The following MYO16 variants were observed in gnomAD, a reference collection of about 807,000 sequenced individuals.
The protein encoded by MYO16 is unconventional myosin-XVI.
A neutral mutation model predicts 205.3 loss-of-function variants in MYO16; 94 were observed. The observed-to-expected ratio is 0.46, with a 90% CI of 0.39 to 0.54. MYO16 has a LOEUF of 0.54. MYO16 is among the 20% of genes least tolerant of loss of function. The pLI is 0.00. For missense variants in MYO16, 2,315 were observed against 2,387.5 expected (o/e 0.97, Z 0.63); for synonymous variants, 988 against 954.0 (o/e 1.04, Z -0.66).
chr13:109,023,770 T>G (rs1191712297), intron 23 of MYO16, among the ~76,000 whole-genome samples: 4 of 113,348 alleles, frequency 3.5e-5, no homozygotes, highest in African/African-American at 1.2e-4. Context: ...AATATGTTTT[T>G]ATATACATAT....
At chr13:108,574,317 G>T in the MYO16 span, among the ~76,000 whole-genome samples, 7 of 152,154 alleles carry the variant, frequency 4.6e-5, no homozygotes, top group Admixed American at 4.6e-4. Flanking sequence ...GTTATATGAA[G>T]CAAGGAAATG....
At chr13:108,633,232 T>C (rs1436027297) in intron 1 of MYO16, among the ~76,000 whole-genome samples, 1 of 152,144 alleles carries the variant, frequency 6.6e-6, no homozygotes, top group Non-Finnish European at 1.5e-5. Context: ...GATGTATATA[T>C]AAAGGGGAGT....
At chr13:109,174,001 G>A (rs1176141442) in intron 33 of MYO16, among the ~76,000 whole-genome samples, 1 of 149,106 alleles carries the variant, frequency 6.7e-6, no homozygotes, top group African/African-American at 2.5e-5. Flanking sequence ...GTACTATCCA[G>A]GGTGAACAAT....
chr13:108,665,780 A>G (rs1881694640), intron 1 of MYO16, 106 bp from the exon 2 acceptor site: 3 of 1,192,164 alleles, frequency 2.5e-6, no homozygotes, highest in Non-Finnish European at 3.4e-6. Flanking sequence ...GAATTGTTGC[A>G]TTTATGACCT....
At chr13:108,715,960 G>T (rs1883928312) in intron 3 of MYO16, among the ~76,000 whole-genome samples, 1 of 151,756 alleles carries the variant, frequency 6.6e-6, no homozygotes, top group Non-Finnish European at 1.5e-5. Context: ...TGACTGTCTT[G>T]GATACTTTTC....
intron 8 of MYO16, 33 bp downstream of exon 8, chr13:108,820,445 G>C (rs558038490): frequency 6.5e-7 from 1 of 1,540,464 alleles, no homozygotes; most frequent in East Asian, 2.4e-5. Context: ...CCATTGAGCA[G>C]GTACTGTTTT....
chr13:109,138,270 G>T lies in MYO16; in HGVS notation c.4052-1994G>T, dbSNP rs111349577. On this transcript the variant is annotated intron_variant, in intron 31 of 34. Coordinates refer to ENST00000457511, the MANE Select transcript of MYO16 (RefSeq NM_001198950.3). The stretch of plus-strand genomic sequence containing the variant: ...TAAATAACTCAAGAACTCAACAAAG[G>T]CAGATGTGCCCCTATCAAGAATTCC... 2.8e-3 allele frequency among the ~76,000 whole-genome samples: 426 copies of T among 152,286 alleles called. 1 individual carries two copies. Among genetic ancestry groups the T allele is most frequent in the Non-Finnish European group, 4.5e-3 (309 of 68,014 alleles).
intron 34 of MYO16, among the ~76,000 whole-genome samples, chr13:109,180,491 T>A (rs1879408822): frequency 6.6e-6 from 1 of 152,204 alleles, no homozygotes; most frequent in Non-Finnish European, 1.5e-5. Context: ...TACAGCACAA[T>A]TTTTATGTCA....
chr13:108,690,107 G>A (rs192460595), intron 2 of MYO16, among the ~76,000 whole-genome samples: 2 of 151,988 alleles, frequency 1.3e-5, no homozygotes, highest in Non-Finnish European at 2.9e-5. Context: ...TACCATGAAG[G>A]TCGAACTCAG....
At chr13:109,128,271 G>A (rs757369554) in intron 31 of MYO16, among the ~76,000 whole-genome samples, 15 of 152,102 alleles carry the variant, frequency 9.9e-5, no homozygotes, top group Admixed American at 5.2e-4. Context: ...ATTCTAGTGC[G>A]GCAAAACAGA....
At chr13:108,879,809 C>T (rs918453009) in intron 12 of MYO16, among the ~76,000 whole-genome samples, 2 of 152,142 alleles carry the variant, frequency 1.3e-5, no homozygotes, top group African/African-American at 4.8e-5. Flanking sequence ...GTGAGTAGTG[C>T]CGCAATAAAC....
At chr13:108,622,470 C>A (rs367856885) in intron 1 of MYO16, among the ~76,000 whole-genome samples, 5 of 152,198 alleles carry the variant, frequency 3.3e-5, no homozygotes, top group African/African-American at 9.6e-5. Flanking sequence ...ACTAGAGGAG[C>A]CTTGGTCAGG....
the MYO16 span, among the ~76,000 whole-genome samples, chr13:108,569,297 G>A: frequency 6.6e-6 from 1 of 152,160 alleles, no homozygotes; most frequent in South Asian, 2.1e-4. Flanking sequence ...CCATGAATGT[G>A]TAATGCCTTT....
At chr13:108,538,606 A>AT in the MYO16 span, among the ~76,000 whole-genome samples, 21 of 152,110 alleles carry the variant, frequency 1.4e-4, 1 homozygote, top group East Asian at 4.1e-3. Flanking sequence ...CCTATGGGTG[A>AT]TTTTTTCAGG....
chr13:108,898,201 C>A, intron 15 of MYO16, 68 bp downstream of exon 15: 1 of 1,187,804 alleles, frequency 8.4e-7, no homozygotes, highest in Non-Finnish European at 1.3e-6. Context: ...CACACACAGG[C>A]ACGCTATGGA....
intron 9 of MYO16, among the ~76,000 whole-genome samples, chr13:108,827,346 C>T (rs939846261): frequency 2.6e-5 from 4 of 152,104 alleles, no homozygotes; most frequent in Non-Finnish European, 4.4e-5. Context: ...TTCTGCTTTA[C>T]AGTAAACTCA....
At chr13:108,683,393 C>T (rs943551041) in intron 2 of MYO16, among the ~76,000 whole-genome samples, 1 of 152,010 alleles carries the variant, frequency 6.6e-6, no homozygotes, top group African/African-American at 2.4e-5. Context: ...GTAAGAATTA[C>T]TGATTAATTT....
intron 18 of MYO16, 70 bp downstream of exon 18, chr13:108,961,726 C>G: frequency 2.4e-6 from 3 of 1,228,420 alleles, no homozygotes; most frequent in Non-Finnish European, 2.4e-6. Context: ...CAGTAGATGG[C>G]GACATAGTAC....
intron 34 of MYO16, among the ~76,000 whole-genome samples, chr13:109,194,762 T>C (rs911521469): frequency 2.6e-5 from 4 of 152,138 alleles, no homozygotes; most frequent in African/African-American, 9.7e-5. Flanking sequence ...TGATTCTTTC[T>C]TTAGGCTAGG....
Sources: allele counts gnomAD v4.1 joint callset (sites outside exome capture counted in the v4.1 genomes callset), GRCh38; gene constraint gnomAD v4.1.1; transcripts MANE v1.5; gene names NCBI Gene and HGNC (gene_info 2026-07-23, HGNC 2026-07-21).